Variants in RNF216 observed in about 807,000 individuals in gnomAD.
The protein encoded by RNF216 is ring finger protein 216, also known as E3 ubiquitin-protein ligase RNF216.
In RNF216, 72 loss-of-function variants were observed where a neutral mutation model predicts 110.8. The ratio of observed to expected loss-of-function variants is 0.65; its 90% CI spans 0.54 to 0.79. RNF216 has a LOEUF of 0.79. RNF216 is among the 30% of genes least tolerant of loss of function. The pLI, the probability that RNF216 is intolerant of heterozygous loss-of-function variation, is 0.00. For synonymous variants in RNF216, 495 were observed against 407.5 expected (o/e 1.21, Z -2.59); for missense variants, 1,342 against 1,141.2 (o/e 1.18, Z -2.54).
intron 13 of RNF216, among the ~76,000 whole-genome samples, chr7:5,668,670 G>C (rs1789692670): frequency 6.6e-6 from 1 of 152,214 alleles, no homozygotes; most frequent in African/African-American, 2.4e-5. Flanking sequence ...ATGATAAAAA[G>C]TATAGGTGGG....
chr7:5,673,261 G>T (rs963400837), intron 13 of RNF216, among the ~76,000 whole-genome samples: 4 of 152,152 alleles, frequency 2.6e-5, no homozygotes, highest in Non-Finnish European at 5.9e-5. Context: ...GCCTCTCCCC[G>T]CCCACCTATC....
chr7:5,649,475 T>C (rs970595603), intron 14 of RNF216, among the ~76,000 whole-genome samples: 7 of 152,082 alleles, frequency 4.6e-5, no homozygotes, highest in African/African-American at 1.7e-4. Flanking sequence ...TGCCATTGTA[T>C]TCCAGCCTGG....
chr7:5,693,819 G>C (rs1791472978), intron 13 of RNF216, among the ~76,000 whole-genome samples: 1 of 152,156 alleles, frequency 6.6e-6, no homozygotes, highest in South Asian at 2.1e-4. Flanking sequence ...AGGCAGCCCA[G>C]GCATGCAAAG....
chr7:5,757,524 C>T (rs577906543), intron 2 of RNF216, among the ~76,000 whole-genome samples: 35 of 151,962 alleles, frequency 2.3e-4, no homozygotes, highest in African/African-American at 8.4e-4. Flanking sequence ...GGTACAGAAT[C>T]GTAGATGAGT....
At chr7:5,642,682 T>C (rs746513678) in intron 14 of RNF216, among the ~76,000 whole-genome samples, 7 of 152,116 alleles carry the variant, frequency 4.6e-5, no homozygotes, top group Admixed American at 2.0e-4. Context: ...TTTCACCATG[T>C]TGGCCAGGCT....
chr7:5,715,678 T>C (rs1793006505), intron 10 of RNF216, among the ~76,000 whole-genome samples: 2 of 151,994 alleles, frequency 1.3e-5, no homozygotes, highest in South Asian at 4.2e-4. Flanking sequence ...TCAAGTAATG[T>C]ACCAGGCTAT....
intron 9 of RNF216, among the ~76,000 whole-genome samples, chr7:5,719,834 G>A (rs1289096773): frequency 1.3e-5 from 2 of 152,190 alleles, no homozygotes; most frequent in Non-Finnish European, 2.9e-5. Flanking sequence ...CAATGCAGCT[G>A]CTTTGTGGCT....
intron 14 of RNF216, among the ~76,000 whole-genome samples, chr7:5,646,153 T>C (rs534009086): frequency 6.6e-6 from 1 of 152,338 alleles, no homozygotes; most frequent in East Asian, 1.9e-4. Flanking sequence ...GAGAAGAGTC[T>C]AGAAATCAGG....
intron 2 of RNF216, among the ~76,000 whole-genome samples, chr7:5,757,201 AAAATCCCCACTATAAT>A (rs1356708209): frequency 2.6e-5 from 4 of 152,206 alleles, no homozygotes; most frequent in African/African-American, 9.7e-5. Context: ...ACAAGTCTTA[AAAATCCCCACTATAAT>A]GGTGGATTTG....
In RNF216 at chr7:5,680,653, C is replaced by T. The variant is rs962494837; in HGVS notation, c.2062-28143G>A. Reference sequence around the variant, plus strand: ...TCCTGACCTTGTGATCTGCCCGACTCGGCCTCCCAAAGTGCTGGGATTACA... The same window carrying T: ...TCCTGACCTTGTGATCTGCCCGACTTGGCCTCCCAAAGTGCTGGGATTACA... On this transcript the variant is annotated intron_variant, in intron 13 of 16. Coordinates refer to ENST00000389902, the MANE Select transcript of RNF216 (RefSeq NM_207111.4). The surrounding 1 kb of genome is among the most constrained non-coding windows in gnomAD (Gnocchi z 4.3). 4.6e-5 allele frequency among the ~76,000 whole-genome samples: 7 copies of T among 152,034 alleles called. No individual in the cohort carries two copies. Among genetic ancestry groups the T allele is most frequent in the African/African-American group, 7.3e-5 (3 of 41,366 alleles).
intron 13 of RNF216, among the ~76,000 whole-genome samples, chr7:5,674,959 T>C (rs1401523765): frequency 6.6e-6 from 1 of 152,048 alleles, no homozygotes; most frequent in Non-Finnish European, 1.5e-5. Context: ...ATCGCGCCAC[T>C]GCACTCCAGC....
chr7:5,773,340 T>G (rs891067043), intron 1 of RNF216, among the ~76,000 whole-genome samples: 22 of 151,612 alleles, frequency 1.5e-4, no homozygotes, highest in African/African-American at 4.6e-4. Context: ...CCTCCTGGGT[T>G]CAAGCGATTC....
intron 7 of RNF216, 98 bp downstream of exon 7, chr7:5,729,333 TA>T: frequency 8.3e-7 from 1 of 1,209,642 alleles, no homozygotes; most frequent in Non-Finnish European, 1.2e-6. Context: ...TTAGCAATCA[TA>T]AACCATCCCA....
chr7:5,732,135 G>A (rs1480232079), intron 5 of RNF216, among the ~76,000 whole-genome samples: 3 of 152,190 alleles, frequency 2.0e-5, no homozygotes, highest in Admixed American at 6.5e-5. Flanking sequence ...TACAGAGGGC[G>A]ACAAGAATTC....
intron 2 of RNF216, among the ~76,000 whole-genome samples, chr7:5,754,157 TGTGTGC>T (rs909254233): frequency 7.0e-5 from 10 of 142,566 alleles, no homozygotes; most frequent in Admixed American, 2.1e-4. Context: ...TGTGTGTGTG[TGTGTGC>T]GCATTTGTCT....
chr7:5,673,944 T>A (rs1392178584), intron 13 of RNF216, among the ~76,000 whole-genome samples: 1 of 148,130 alleles, frequency 6.8e-6, no homozygotes, highest in Admixed American at 6.7e-5. Context: ...CACTGCAACA[T>A]CTGCCTCTTG....
intron 4 of RNF216, 24 bp downstream of exon 4, chr7:5,740,949 T>C (rs1794718935): frequency 6.4e-7 from 1 of 1,561,652 alleles, no homozygotes; most frequent in Non-Finnish European, 8.6e-7. Context: ...AGTGTCTACA[T>C]TTACTTGATA....
intron 13 of RNF216, among the ~76,000 whole-genome samples, chr7:5,678,972 A>G (rs1394435686): frequency 6.6e-6 from 1 of 152,230 alleles, no homozygotes; most frequent in Non-Finnish European, 1.5e-5. Context: ...AATGGCCTCA[A>G]TAGAGCAAAG....
In RNF216 at chr7:5,660,943, GTTTT is replaced by G. The variant is rs1168463360; in HGVS notation, c.2062-8437_2062-8434del. On this transcript the variant is annotated intron_variant, in intron 13 of 16. Transcript: ENST00000389902. ...TAGCTCCATGCTCCTGAAGCCTTAG[GTTTT>G]TTTTTTTTTTTTTTTTTTTTTGAAA... 6.0e-3 allele frequency among the ~76,000 whole-genome samples: 537 copies of G among 90,152 alleles called. 4 individuals carry two copies. The highest frequency in any genetic ancestry group is 0.027 in the African/African-American group (502 of 18,272). The allele number at this position is 90,152 out of a possible 152,430, so 59.1% of individuals were successfully genotyped here.
Sources: gnomAD v4.1 joint callset for allele counts (sites outside exome capture counted in the v4.1 genomes callset) on GRCh38, gnomAD v4.1.1 for gene constraint, Gnocchi (gnomAD v3.1) non-coding constraint, MANE v1.5 for transcripts, NCBI Gene and HGNC (gene_info 2026-07-23, HGNC 2026-07-21) for gene names.